The following PCDH15 variants were observed in gnomAD, a reference collection of about 807,000 sequenced individuals.
The protein encoded by PCDH15 is protocadherin-15.
In PCDH15, 129 loss-of-function variants were observed where a neutral mutation model predicts 178.5. The ratio of observed to expected loss-of-function variants is 0.72; its 90% confidence interval spans 0.63 to 0.84. PCDH15 has a LOEUF of 0.84. PCDH15 is among the 40% of genes least tolerant of loss of function. The probability of loss-of-function intolerance (pLI) is 0.00; values close to 1 mark genes in which losing one functional copy is unlikely to be tolerated. For synonymous variants in PCDH15, 800 were observed against 732.0 expected (o/e 1.09, Z -1.50); for missense variants, 2,230 against 2,099.9 (o/e 1.06, Z -1.21).
Position 55,056,509 on chromosome 10 carries a change from A to G in PCDH15, c.-80+110067T>C, listed in dbSNP as rs1841306759. Among the ~76,000 whole-genome samples, 3 of 125,248 alleles carry G rather than the reference A, an allele frequency of 2.4e-5. No homozygotes were observed. In the South Asian group the frequency reaches 8.5e-4, roughly 36 times the overall value. 82.2% of individuals were successfully genotyped at this position (125,248 alleles called of 152,430 possible). ...TAGGTGCTCCTCATAGAAATTCTTG[A>G]CTTCAAAATCTAAGTTTCCATTTTC... On this transcript the variant is annotated intron_variant, in intron 2 of 5. Transcript: ENST00000458638.
At chr10:55,087,532 C>G (rs536082360) in intron 2 of PCDH15, among the ~76,000 whole-genome samples, 1 of 152,200 alleles carries the variant, frequency 6.6e-6, no homozygotes, top group Admixed American at 6.5e-5. Flanking sequence ...TGGAGAACAT[C>G]AATAAGAATT....
intron 28 of PCDH15, among the ~76,000 whole-genome samples, chr10:53,846,622 C>A (rs974403697): frequency 6.6e-6 from 1 of 151,732 alleles, no homozygotes; most frequent in Admixed American, 6.6e-5. Flanking sequence ...TATTCTTGAA[C>A]CAAGTTATTT....
chr10:54,248,759 T>C (rs769864254), intron 8 of PCDH15, among the ~76,000 whole-genome samples: 5 of 152,000 alleles, frequency 3.3e-5, no homozygotes, highest in Non-Finnish European at 7.4e-5. Flanking sequence ...TTATAAAAAA[T>C]AACAACAAAC....
intron 6 of PCDH15, among the ~76,000 whole-genome samples, chr10:54,335,650 G>A (rs1940937237): frequency 6.6e-6 from 1 of 152,068 alleles, no homozygotes. Flanking sequence ...CATGCCTTTT[G>A]CCTCCCACCA....
At chr10:54,036,228 C>T (rs963131607) in intron 18 of PCDH15, among the ~76,000 whole-genome samples, 8 of 151,958 alleles carry the variant, frequency 5.3e-5, no homozygotes, top group African/African-American at 1.9e-4. Flanking sequence ...TAGAGGGTGG[C>T]TACGCTAAAA....
At chr10:54,852,855 A>AAAAATAAAATAAAATAAAATAAAAT (rs368212815) in intron 3 of PCDH15, among the ~76,000 whole-genome samples, 3 of 147,238 alleles carry the variant, frequency 2.0e-5, no homozygotes, top group African/African-American at 7.5e-5. Flanking sequence ...TCTGTCTCAA[A>AAAAATAAAATAAAATAAAATAAAAT]AAAATAAAAT....
chr10:54,473,260 C>T (rs888918722), intron 3 of PCDH15, among the ~76,000 whole-genome samples: 1 of 152,028 alleles, frequency 6.6e-6, no homozygotes, highest in Non-Finnish European at 1.5e-5. Flanking sequence ...AAAACATAAG[C>T]AAGAATATCT....
chr10:54,835,255 AATTAAT>A (rs1227652801), intron 3 of PCDH15, among the ~76,000 whole-genome samples: 2 of 152,164 alleles, frequency 1.3e-5, no homozygotes, highest in East Asian at 1.9e-4. Context: ...TTAATTCTAG[AATTAAT>A]ATTAATATTT....
intron 15 of PCDH15, among the ~76,000 whole-genome samples, chr10:54,105,868 T>A (rs182454826): frequency 9.7e-4 from 148 of 152,238 alleles, no homozygotes; most frequent in African/African-American, 3.4e-3. Context: ...TTCATAATAG[T>A]CAAAAATTAG....
chr10:54,673,964 A>AT (rs2094730238), intron 1 of PCDH15, among the ~76,000 whole-genome samples: 1 of 152,146 alleles, frequency 6.6e-6, no homozygotes, highest in African/African-American at 2.4e-5. Flanking sequence ...AATGAATAAA[A>AT]CTAGGTTTAT....
chr10:54,221,623 G>A (rs1178849824), intron 9 of PCDH15, among the ~76,000 whole-genome samples: 1 of 150,106 alleles, frequency 6.7e-6, no homozygotes, highest in Non-Finnish European at 1.5e-5. Flanking sequence ...TTAATTTTGA[G>A]AAAGAGTTTT....
intron 26 of PCDH15, among the ~76,000 whole-genome samples, chr10:53,902,594 C>T (rs2082402583): frequency 6.6e-6 from 1 of 151,888 alleles, no homozygotes; most frequent in Admixed American, 6.6e-5. Context: ...ATTAGTAATA[C>T]ACAGTTGATT....
In PCDH15 at chr10:55,266,611, G is replaced by A. The variant is rs183547863; in HGVS notation, c.-156+52988C>T. On this transcript the variant is annotated intron_variant, in intron 1 of 5. Coordinates refer to the PCDH15 transcript ENST00000458638. The stretch of plus-strand genomic sequence containing the variant: ...CCTGTAAAAACCCTGAGACCCTTGC[G>A]GGCAGAGATTCACAAGCAGCTGGAG... Among the ~76,000 whole-genome samples, 38 of 152,252 alleles carry A rather than the reference G, an allele frequency of 2.5e-4. No homozygotes were observed. In the East Asian group the frequency reaches 3.5e-3, roughly 14 times the overall value.
At chr10:55,401,939 A>T (rs550703993) in intron 2 of PCDH15, among the ~76,000 whole-genome samples, 1 of 152,144 alleles carries the variant, frequency 6.6e-6, no homozygotes, top group South Asian at 2.1e-4. Context: ...AATTGAATCT[A>T]TTAGAGATTG....
chr10:54,471,395 C>T (rs914823090), intron 3 of PCDH15, among the ~76,000 whole-genome samples: 4 of 152,120 alleles, frequency 2.6e-5, no homozygotes, highest in Admixed American at 6.6e-5. Flanking sequence ...AAACGCTTCT[C>T]AGGCTATCCA....
chr10:53,894,983 C>T (rs548707891), intron 26 of PCDH15, among the ~76,000 whole-genome samples: 4 of 152,262 alleles, frequency 2.6e-5, no homozygotes, highest in African/African-American at 9.6e-5. Context: ...GCCTCACTCC[C>T]AATTAGCTGC....
At chr10:54,209,022 G>C (rs1450373338) in intron 10 of PCDH15, among the ~76,000 whole-genome samples, 8 of 151,578 alleles carry the variant, frequency 5.3e-5, no homozygotes, top group African/African-American at 1.7e-4. Flanking sequence ...ATACACATTA[G>C]AGTAGAAAGA....
intron 2 of PCDH15, among the ~76,000 whole-genome samples, chr10:55,509,718 T>A (rs1159295930): frequency 6.6e-6 from 1 of 151,928 alleles, no homozygotes; most frequent in Non-Finnish European, 1.5e-5. Flanking sequence ...ACATTCAGTT[T>A]GATAAGGACT....
chr10:54,261,697 A>ATT (rs2057329861), intron 8 of PCDH15, among the ~76,000 whole-genome samples: 2 of 151,100 alleles, frequency 1.3e-5, no homozygotes, highest in African/African-American at 2.4e-5. Context: ...TTTATAATAT[A>ATT]AAGAATTGAA....
Sources: gnomAD v4.1 joint callset for allele counts (sites outside exome capture counted in the v4.1 genomes callset) on GRCh38, gnomAD v4.1.1 for gene constraint, MANE v1.5 for transcripts, NCBI Gene and HGNC (gene_info 2026-07-23, HGNC 2026-07-21) for gene names.